Variants in LRRC63 observed in about 807,000 individuals in gnomAD.
The protein encoded by LRRC63 is leucine rich repeat containing 63.
A neutral mutation model predicts 49.5 loss-of-function variants in LRRC63; 40 were observed. That is an observed-to-expected ratio of 0.81 (90% CI 0.63 to 1.05). The LOEUF (loss-of-function observed/expected upper bound fraction) is 1.05, where lower values mean the gene tolerates loss of function less well. Among genes scored for constraint, LRRC63 ranks in the 50% least tolerant of loss-of-function variants. The pLI, the probability that LRRC63 is intolerant of heterozygous loss-of-function variation, is 0.00. For missense variants in LRRC63, 636 were observed against 663.1 expected (o/e 0.96, Z 0.45); for synonymous variants, 191 against 221.1 (o/e 0.86, Z 1.21).
exon 10 of LRRC63, chr13:46,276,850 A>T (rs945819461): frequency 5.7e-5 from 8 of 141,516 alleles, no homozygotes; most frequent in Non-Finnish European, 8.2e-5. Flanking sequence ...ATATATATAT[A>T]TTTATATATA....
At chr13:46,237,327 A>T (rs1263079636) in intron 5 of LRRC63, among the ~76,000 whole-genome samples, 4 of 152,190 alleles carry the variant, frequency 2.6e-5, no homozygotes, top group African/African-American at 9.6e-5. Context: ...TTGAAAACCC[A>T]TAGAATATAT....
chr13:46,263,846 C>A (rs2047647204), intron 8 of LRRC63, among the ~76,000 whole-genome samples: 1 of 152,210 alleles, frequency 6.6e-6, no homozygotes, highest in African/African-American at 2.4e-5. Context: ...TTTCAAGACT[C>A]ACTGTTTACA....
chr13:46,213,183 T>G, intron 2 of LRRC63, 64 bp downstream of exon 2: 1 of 1,088,752 alleles, frequency 9.2e-7, no homozygotes, highest in Non-Finnish European at 1.3e-6. Context: ...TTCCTTGACT[T>G]GCACAGCTCA....
intron 9 of LRRC63, among the ~76,000 whole-genome samples, chr13:46,269,395 A>C (rs1304705461): frequency 6.6e-6 from 1 of 152,156 alleles, no homozygotes; most frequent in African/African-American, 2.4e-5. Context: ...TTTTGACAGA[A>C]TAGCACTGTG....
At chr13:46,258,073 G>A (rs2047544852) in intron 7 of LRRC63, among the ~76,000 whole-genome samples, 1 of 151,200 alleles carries the variant, frequency 6.6e-6, no homozygotes, top group Admixed American at 6.6e-5. Context: ...ACTTTCAGAG[G>A]CAAGTTCTGT....
intron 2 of LRRC63, 137 bp downstream of exon 2, chr13:46,213,256 A>G (rs1055632833): frequency 3.5e-5 from 21 of 607,426 alleles, no homozygotes; most frequent in Non-Finnish European, 5.9e-5. Flanking sequence ...ATAACATCCA[A>G]TTCAATTCCA....
chr13:46,247,634 G>A (rs2047251037), intron 6 of LRRC63, among the ~76,000 whole-genome samples: 3 of 152,164 alleles, frequency 2.0e-5, no homozygotes, highest in Non-Finnish European at 2.9e-5. Flanking sequence ...TAAGCTTAGA[G>A]AGGCTGTTTT....
chr13:46,268,297 C>T (rs963724212), intron 9 of LRRC63, among the ~76,000 whole-genome samples: 5 of 151,676 alleles, frequency 3.3e-5, no homozygotes, highest in South Asian at 4.2e-4. Flanking sequence ...ACATGTAGAC[C>T]GGAGGTAAAG....
At chr13:46,265,902 C>T (rs1394849274) in intron 8 of LRRC63, among the ~76,000 whole-genome samples, 4 of 152,190 alleles carry the variant, frequency 2.6e-5, no homozygotes, top group Non-Finnish European at 5.9e-5. Flanking sequence ...TCATTGTTTT[C>T]AATACCCTTG....
At chr13:46,276,834 ATATATATATATATATATT>A (rs1444103206) in exon 10 of LRRC63, 90 of 150,672 alleles carry the variant, frequency 6.0e-4, no homozygotes, top group African/African-American at 1.6e-3. Context: ...GTGTGTATAT[ATATATATATATATATATT>A]TATATATATA....
chr13:46,253,368 C>T (rs1006944312), intron 7 of LRRC63, among the ~76,000 whole-genome samples: 1 of 151,836 alleles, frequency 6.6e-6, no homozygotes, highest in Non-Finnish European at 1.5e-5. Context: ...GATCTTTTCC[C>T]TTATGGGGCT....
At position 46,219,546 on chromosome 13, in the gene LRRC63, A is replaced by G. The variant is rs569021666; in HGVS notation, c.85+6427A>G. Among the ~76,000 whole-genome samples, 49 of 152,272 alleles carry G rather than the reference A, an allele frequency of 3.2e-4. 1 individual carries two copies. The highest frequency in any genetic ancestry group is 3.4e-3 in the Middle Eastern group (1 of 294). ...AGCTTCCTTGCATTGGGTTAGATCA[A>G]GCTCCTTTAGCTCAGAGGAGTTTAT... is the stretch of plus-strand genomic sequence containing the variant. On this transcript the variant is annotated intron_variant, in intron 2 of 9. Transcript: ENST00000595396.
At chr13:46,231,749 A>T (rs1227995372) in intron 4 of LRRC63, among the ~76,000 whole-genome samples, 4 of 150,614 alleles carry the variant, frequency 2.7e-5, no homozygotes, top group Non-Finnish European at 5.9e-5. Flanking sequence ...ACCTCTAGTG[A>T]TCCTCCTCGG....
intron 5 of LRRC63, among the ~76,000 whole-genome samples, chr13:46,234,631 T>G (rs552278300): frequency 6.8e-4 from 103 of 152,332 alleles, no homozygotes; most frequent in Non-Finnish European, 8.5e-4. Context: ...ATTAGCAATC[T>G]TTGGTTCTGT....
At position 46,213,038 on chromosome 13, in the gene LRRC63, C is replaced by T; in HGVS notation, c.4C>T (p.Gln2Ter). The T allele has an allele frequency of 6.5e-7, 1 of 1,545,496 alleles. No homozygotes were observed. The highest frequency in any genetic ancestry group is 8.7e-7 in the Non-Finnish European group (1 of 1,144,944). The change falls in exon 2 of 10, where the codon CAA (glutamine) becomes TAA (stop). Residue 2 changes from glutamine to a stop codon, truncating the protein, a stop_gained. Transcript: ENST00000595396. LOFTEE classifies it high-confidence loss of function. Reference sequence around the variant, plus strand: ...ACAGCACTTATTATTCATTAAAATGCAAAAGCCCCCACTGCTTCTTCGAAG... The same window carrying T: ...ACAGCACTTATTATTCATTAAAATGTAAAAGCCCCCACTGCTTCTTCGAAG...
At chr13:46,213,052 G>A (rs1164595334) in exon 2 of LRRC63, 14 of 1,548,876 alleles carry the variant, frequency 9.0e-6, no homozygotes, top group Non-Finnish European at 1.2e-5. Flanking sequence ...AGCCCCCACT[G>A]CTTCTTCGAA....
At chr13:46,242,164 G>A (rs2047081729) in intron 5 of LRRC63, among the ~76,000 whole-genome samples, 1 of 152,106 alleles carries the variant, frequency 6.6e-6, no homozygotes, top group South Asian at 2.1e-4. Flanking sequence ...GTCTTTTGTG[G>A]GAACATGGAT....
chr13:46,276,046 G>T (rs1484350443), intron 9 of LRRC63, among the ~76,000 whole-genome samples: 2 of 151,950 alleles, frequency 1.3e-5, no homozygotes, highest in African/African-American at 2.4e-5. Context: ...GTGTTCTCTT[G>T]ACATTCATTT....
chr13:46,250,303 T>A, intron 6 of LRRC63, 52 bp from the exon 7 acceptor site: 3 of 1,360,062 alleles, frequency 2.2e-6, no homozygotes, highest in Non-Finnish European at 3.0e-6. Context: ...CAAATAATGA[T>A]TTGCATACTT....
Sources: allele counts gnomAD v4.1 joint callset (sites outside exome capture counted in the v4.1 genomes callset), GRCh38; gene constraint gnomAD v4.1.1; transcripts MANE v1.5; gene names NCBI Gene and HGNC (gene_info 2026-07-23, HGNC 2026-07-21).